CTNNA3: variants seen among roughly 807,000 people sequenced by gnomAD.
CTNNA3 encodes catenin alpha 3.
A neutral mutation model predicts 95.7 loss-of-function variants in CTNNA3; 76 were observed. That is an observed-to-expected ratio of 0.79 (90% CI 0.66 to 0.96). CTNNA3 has a LOEUF of 0.96. Ranked by LOEUF, CTNNA3 falls within the 40% of genes least tolerant of loss-of-function variation. CTNNA3 has a pLI of 0.00. For synonymous variants in CTNNA3, 431 were observed against 374.4 expected (o/e 1.15, Z -1.74); for missense variants, 1,191 against 1,089.8 (o/e 1.09, Z -1.31).
At chr10:66,490,895 T>C (rs2456675) in intron 11 of CTNNA3, among the ~76,000 whole-genome samples, 10,561 of 152,250 alleles carry the variant, frequency 0.069, 1,004 homozygotes, top group East Asian at 0.45. Context: ...GAATATATGA[T>C]GTAGTGAGAA....
intron 3 of CTNNA3, among the ~76,000 whole-genome samples, chr10:67,591,094 TAGAG>T (rs1842776336): frequency 6.6e-6 from 1 of 152,086 alleles, no homozygotes; most frequent in Admixed American, 6.6e-5. Flanking sequence ...AGCCAAGTGG[TAGAG>T]AGACTGAACA....
chr10:67,647,171 T>C (rs938107155), intron 2 of CTNNA3, among the ~76,000 whole-genome samples: 1 of 133,902 alleles, frequency 7.5e-6, no homozygotes. Flanking sequence ...TATATATATA[T>C]ATATATTATT....
intron 13 of CTNNA3, among the ~76,000 whole-genome samples, chr10:66,114,446 A>G (rs867928101): frequency 6.7e-6 from 1 of 148,410 alleles, no homozygotes; most frequent in Middle Eastern, 3.5e-3. Flanking sequence ...ATATGTGTAT[A>G]TATGTATATA....
chr10:66,677,242 TTAAG>T (rs1445390845), intron 9 of CTNNA3, among the ~76,000 whole-genome samples: 3 of 150,838 alleles, frequency 2.0e-5, no homozygotes, highest in East Asian at 3.9e-4. Context: ...AGCATATTAT[TTAAG>T]TGTTACTAAA....
At chr10:65,958,143 A>G (rs1370392118) in intron 17 of CTNNA3, among the ~76,000 whole-genome samples, 2 of 152,024 alleles carry the variant, frequency 1.3e-5, no homozygotes, top group East Asian at 1.9e-4. Flanking sequence ...TTGATCTTCA[A>G]TCACTGATAC....
chr10:66,260,968 C>G (rs1469091512), intron 13 of CTNNA3, among the ~76,000 whole-genome samples: 1 of 152,048 alleles, frequency 6.6e-6, no homozygotes. Context: ...CCTGTTGGAA[C>G]AGTGTATATC....
At chr10:67,247,286 C>G (rs559633693) in intron 5 of CTNNA3, among the ~76,000 whole-genome samples, 2 of 152,178 alleles carry the variant, frequency 1.3e-5, no homozygotes, top group East Asian at 1.9e-4. Context: ...AACAGTAGAG[C>G]TAATAAATAA....
chr10:67,525,181 A>T (rs577816320), intron 4 of CTNNA3, among the ~76,000 whole-genome samples: 44 of 152,158 alleles, frequency 2.9e-4, no homozygotes, highest in Non-Finnish European at 5.9e-4. Context: ...ACTCGTTATA[A>T]ACCAAACTCA....
chr10:67,551,846 A>G (rs1215071995), intron 3 of CTNNA3, among the ~76,000 whole-genome samples: 1 of 152,196 alleles, frequency 6.6e-6, no homozygotes, highest in Admixed American at 6.5e-5. Context: ...TCTCACTTCC[A>G]AATGCCTCCC....
Position 67,298,694 on chromosome 10 carries a change from C to T in CTNNA3, c.580-78824G>A, listed in dbSNP as rs147512487. ...GTTGTCCCTGCCATGTAAATGCAAA[C>T]TACTTCTGATTTTTTCATATCAATG... On this transcript the variant is annotated intron_variant, in intron 5 of 17. Coordinates refer to ENST00000433211, the MANE Select transcript of CTNNA3 (RefSeq NM_013266.4). Among the ~76,000 whole-genome samples, 658 of 152,288 alleles carry T rather than the reference C, an allele frequency of 4.3e-3. 3 individuals carry two copies. Among genetic ancestry groups the T allele is most frequent in the African/African-American group, 0.015 (628 of 41,552 alleles).
intron 3 of CTNNA3, among the ~76,000 whole-genome samples, chr10:67,602,646 C>CT (rs1036306611): frequency 4.6e-5 from 7 of 151,972 alleles, no homozygotes; most frequent in African/African-American, 7.2e-5. Context: ...AAAATAACAT[C>CT]TTTTTTTTGA....
chr10:67,547,141 G>A (rs1001738739), intron 3 of CTNNA3, among the ~76,000 whole-genome samples: 1 of 151,950 alleles, frequency 6.6e-6, no homozygotes, highest in Non-Finnish European at 1.5e-5. Flanking sequence ...TCTTCTGTTT[G>A]GTTTTAAATG....
chr10:66,258,407 G>A lies in CTNNA3; in HGVS notation c.1884+22063C>T, dbSNP rs149643007. On this transcript the variant is annotated intron_variant, in intron 13 of 17. Coordinates refer to ENST00000433211, the MANE Select transcript of CTNNA3 (RefSeq NM_013266.4). Reference sequence around the variant, plus strand: ...ACAGCTTCTGTCCTTTTTGGGTATGGCTGTGTTTTACAGAATATGTATTCC... The same window carrying A: ...ACAGCTTCTGTCCTTTTTGGGTATGACTGTGTTTTACAGAATATGTATTCC... Among the ~76,000 whole-genome samples, 316 of 152,222 alleles carry A rather than the reference G, an allele frequency of 2.1e-3. 2 individuals carry two copies. The highest frequency in any genetic ancestry group is 7.3e-3 in the African/African-American group (302 of 41,560).
At chr10:67,344,444 T>C (rs1057194499) in intron 5 of CTNNA3, among the ~76,000 whole-genome samples, 1 of 152,062 alleles carries the variant, frequency 6.6e-6, no homozygotes, top group Admixed American at 6.5e-5. Flanking sequence ...TCTTTAAATG[T>C]TTACTAGGAT....
At chr10:67,066,449 C>T (rs1168446043) in intron 7 of CTNNA3, among the ~76,000 whole-genome samples, 3 of 151,468 alleles carry the variant, frequency 2.0e-5, no homozygotes, top group Admixed American at 6.6e-5. Flanking sequence ...CCTTGGCCTC[C>T]CAAAGTGCTA....
chr10:66,699,510 G>A (rs772877629), intron 9 of CTNNA3, among the ~76,000 whole-genome samples: 5 of 151,572 alleles, frequency 3.3e-5, no homozygotes, highest in South Asian at 2.1e-4. Flanking sequence ...TCATATACCC[G>A]TTGGCTATTT....
intron 4 of CTNNA3, among the ~76,000 whole-genome samples, chr10:67,525,969 T>A (rs145783108): frequency 0.016 from 2,391 of 152,320 alleles, 22 homozygotes; most frequent in South Asian, 0.035. Context: ...AAGTGCCTGA[T>A]GGAAAGCATT....
intron 7 of CTNNA3, among the ~76,000 whole-genome samples, chr10:67,123,386 A>G (rs1208081166): frequency 1.3e-5 from 2 of 152,190 alleles, no homozygotes; most frequent in Admixed American, 6.5e-5. Flanking sequence ...TATCTATTCT[A>G]TGTGCATAGC....
At chr10:66,593,352 T>G (rs1278023418) in intron 10 of CTNNA3, among the ~76,000 whole-genome samples, 1 of 152,168 alleles carries the variant, frequency 6.6e-6, no homozygotes, top group East Asian at 1.9e-4. Flanking sequence ...GTGCACATTC[T>G]GCTCCCCAGA....
Sources: allele counts gnomAD v4.1 joint callset (sites outside exome capture counted in the v4.1 genomes callset), GRCh38; gene constraint gnomAD v4.1.1; transcripts MANE v1.5; gene names NCBI Gene and HGNC (gene_info 2026-07-23, HGNC 2026-07-21).